DCBLD1: variants seen among roughly 807,000 people sequenced by gnomAD.
DCBLD1 encodes the protein discoidin, CUB and LCCL domain containing 1.
A neutral mutation model predicts 71.5 loss-of-function variants in DCBLD1; 57 were observed. The observed-to-expected ratio is 0.80, with a 90% CI of 0.64 to 0.99. DCBLD1 has a LOEUF of 0.99. Among genes scored for constraint, DCBLD1 ranks in the 50% least tolerant of loss-of-function variants. The pLI is 0.00. For missense variants in DCBLD1, 891 were observed against 923.5 expected, an observed-to-expected ratio of 0.96 and a Z score of 0.46; for synonymous variants, 380 against 363.8, an observed-to-expected ratio of 1.04 and a Z score of -0.51.
chr6:117,545,956 T>C (rs1207965202), intron 14 of DCBLD1, among the ~76,000 whole-genome samples: 1 of 152,064 alleles, frequency 6.6e-6, no homozygotes, highest in Non-Finnish European at 1.5e-5. Context: ...CTGAGGAAGG[T>C]GAGATAGGAA....
intron 2 of DCBLD1, 25 bp from the exon 3 acceptor site, chr6:117,519,791 T>G (rs1231221116): frequency 6.3e-7 from 1 of 1,596,044 alleles, no homozygotes; most frequent in Non-Finnish European, 8.6e-7. Flanking sequence ...TTTTGAAATG[T>G]GCCACAAGTG....
rs1303082394 is a variant in DCBLD1, at chr6:117,548,055, G to A, written c.1764G>A (p.Glu588=). The A allele has an allele frequency of 1.3e-6, 2 of 1,549,048 alleles. No individual in the cohort carries two copies. Among genetic ancestry groups the A allele is most frequent in the Admixed American group, 2.0e-5 (1 of 50,892 alleles). The change falls in exon 15 of 15, where the codon GAG becomes GAA. Residue 588 remains glutamate, a synonymous_variant. Transcript: ENST00000338728. ...GCCCGCAGCGGGCCGGCCGCCACGA[G>A]TACGCGCTGCCCCTGGCGCCCCCGG... is the stretch of plus-strand genomic sequence containing the variant. ...YDCPQRAGRH[E]YALPLAPPEP... is the part of the protein sequence containing the mutation.
At chr6:117,530,606 C>T (rs1184169277) in intron 5 of DCBLD1, among the ~76,000 whole-genome samples, 2 of 152,108 alleles carry the variant, frequency 1.3e-5, no homozygotes, top group African/African-American at 2.4e-5. Context: ...TTGTCATTGT[C>T]CAGAGGAATG....
intron 14 of DCBLD1, among the ~76,000 whole-genome samples, chr6:117,558,122 C>CT (rs1315899630): frequency 2.0e-5 from 3 of 152,318 alleles, no homozygotes; most frequent in East Asian, 3.9e-4. Context: ...CCCCATGGTT[C>CT]TAGGTTTTCC....
rs1289614594 is a variant in DCBLD1 at position 117,549,410 on chromosome 6, A to G, written c.*971A>G. ...CATGAAACTGTTGGAAACTGATCTC[A>G]TTTTATAAGAAATGATTTTCCCCTC... is the stretch of plus-strand genomic sequence containing the variant. On this transcript the variant is annotated 3_prime_UTR_variant, in exon 15 of 15. Transcript: ENST00000338728. The G allele has an allele frequency of 2.0e-6, 2 of 985,388 alleles. No homozygotes were observed. Among genetic ancestry groups the G allele is most frequent in the Non-Finnish European group, 2.4e-6 (2 of 829,918 alleles). 61.0% of individuals were successfully genotyped at this position (985,388 alleles called of 1,614,324 possible).
chr6:117,540,393 G>A, intron 9 of DCBLD1: 1 of 356,352 alleles, frequency 2.8e-6, no homozygotes, highest in South Asian at 3.4e-5. Context: ...CCAGTTGAAT[G>A]TAGGAATATT....
At chr6:117,493,815 CAGAAT>C (rs1378138771) in intron 1 of DCBLD1, among the ~76,000 whole-genome samples, 1 of 152,124 alleles carries the variant, frequency 6.6e-6, no homozygotes, top group Non-Finnish European at 1.5e-5. Flanking sequence ...CCTTCACACA[CAGAAT>C]AGAGATAATA....
At chr6:117,545,451 A>G in intron 13 of DCBLD1, 27 bp from the exon 14 acceptor site, 1 of 1,610,784 alleles carries the variant, frequency 6.2e-7, no homozygotes. Context: ...TGACATATTC[A>G]TTTGGTTTAT....
chr6:117,540,896 C>T (rs1779073367), intron 10 of DCBLD1, 22 bp from the exon 11 acceptor site: 2 of 1,613,764 alleles, frequency 1.2e-6, no homozygotes, highest in African/African-American at 1.3e-5. Flanking sequence ...ATGTGGTTTT[C>T]CCGACATCCC....
At chr6:117,541,619 T>G (rs1285944185) in intron 11 of DCBLD1, among the ~76,000 whole-genome samples, 1 of 152,166 alleles carries the variant, frequency 6.6e-6, no homozygotes, top group Non-Finnish European at 1.5e-5. Context: ...AAAGTACATT[T>G]TTTCAGAATA....
intron 1 of DCBLD1, among the ~76,000 whole-genome samples, chr6:117,497,471 A>G (rs763778532): frequency 6.6e-6 from 1 of 152,236 alleles, no homozygotes; most frequent in East Asian, 1.9e-4. Flanking sequence ...TGTGTATACA[A>G]GCATCTAGGA....
At chr6:117,491,499 T>C (rs1028928759) in intron 1 of DCBLD1, among the ~76,000 whole-genome samples, 8 of 152,148 alleles carry the variant, frequency 5.3e-5, no homozygotes, top group Non-Finnish European at 8.8e-5. Context: ...AACTAAAAAT[T>C]TATTAAGGAT....
intron 3 of DCBLD1, among the ~76,000 whole-genome samples, chr6:117,520,611 C>G (rs963440521): frequency 2.0e-5 from 3 of 152,170 alleles, no homozygotes; most frequent in Non-Finnish European, 4.4e-5. Flanking sequence ...AGTGTAATAA[C>G]TTTAAAGCTG....
At position 117,549,199 on chromosome 6, in the gene DCBLD1, G is replaced by A. The variant is rs1779378517; in HGVS notation, c.*760G>A. 1.0e-6 allele frequency: 1 copy of A among 985,430 alleles called. No homozygotes were observed. 61.0% of individuals were successfully genotyped at this position (985,430 alleles called of 1,614,324 possible). ...TGGCACAGGAATTACAGTGTGAATG[G>A]CTGTGTCAGATGTTTTCGTACCTCA... On this transcript the variant is annotated 3_prime_UTR_variant, in exon 15 of 15. Transcript: ENST00000338728.
intron 14 of DCBLD1, chr6:117,563,523 A>G: frequency 1.4e-6 from 1 of 700,632 alleles, no homozygotes; most frequent in Non-Finnish European, 2.4e-6. Context: ...GGGGTTCGAG[A>G]CCAGCCTGGA....
intron 1 of DCBLD1, among the ~76,000 whole-genome samples, chr6:117,497,011 G>A (rs370073492): frequency 5.3e-5 from 8 of 152,122 alleles, no homozygotes; most frequent in Admixed American, 2.0e-4. Context: ...TTACTCTAAG[G>A]ACTAGTTAAT....
chr6:117,492,298 C>G (rs960962539), intron 1 of DCBLD1, among the ~76,000 whole-genome samples: 5 of 151,962 alleles, frequency 3.3e-5, no homozygotes, highest in African/African-American at 9.7e-5. Context: ...GAATTTAATC[C>G]CAACAATTCT....
At chr6:117,493,153 G>A (rs370237478) in intron 1 of DCBLD1, among the ~76,000 whole-genome samples, 2 of 152,090 alleles carry the variant, frequency 1.3e-5, no homozygotes, top group Middle Eastern at 3.4e-3. Flanking sequence ...AATATTCATG[G>A]CAATATCCCT....
chr6:117,526,967 G>C (rs1778564726), intron 5 of DCBLD1, among the ~76,000 whole-genome samples: 1 of 152,202 alleles, frequency 6.6e-6, no homozygotes, highest in Non-Finnish European at 1.5e-5. Flanking sequence ...TGGAGGCTCA[G>C]CTGGGGAAGG....
Sources: allele counts gnomAD v4.1 joint callset (sites outside exome capture counted in the v4.1 genomes callset), GRCh38; gene constraint gnomAD v4.1.1; transcripts MANE v1.5; gene names NCBI Gene and HGNC (gene_info 2026-07-23, HGNC 2026-07-21).